CCDC170: variants seen among roughly 807,000 people sequenced by gnomAD.
CCDC170 encodes coiled-coil domain containing 170.
In CCDC170, 69 loss-of-function variants were observed where a neutral mutation model predicts 72.6. The observed-to-expected ratio is 0.95, with a 90% confidence interval of 0.78 to 1.16. The LOEUF (loss-of-function observed/expected upper bound fraction) is 1.16, where lower values mean the gene tolerates loss of function less well. CCDC170 is among the 50% of genes most tolerant of loss of function. CCDC170 has a pLI of 0.00. For synonymous variants in CCDC170, 300 were observed against 303.9 expected (o/e 0.99, Z 0.13); for missense variants, 852 against 832.5 (o/e 1.02, Z -0.29).
intron 7 of CCDC170, among the ~76,000 whole-genome samples, chr6:151,586,877 T>C (rs4869744): frequency 0.45 from 68,436 of 151,732 alleles, 18,647 homozygotes; most frequent in East Asian, 0.82. Flanking sequence ...CTCTGCCTCC[T>C]GGGTTCACAC....
chr6:151,617,808 G>A, intron 10 of CCDC170, 139 bp from the exon 11 acceptor site: 1 of 684,588 alleles, frequency 1.5e-6, no homozygotes, highest in South Asian at 2.0e-5. Context: ...ATAAGTGAGA[G>A]AACTAGGAAG....
chr6:151,572,897 C>T (rs1776244136), intron 5 of CCDC170, among the ~76,000 whole-genome samples: 1 of 151,960 alleles, frequency 6.6e-6, no homozygotes. Context: ...TAGTGATCCA[C>T]CCACCTCAGC....
intron 5 of CCDC170, among the ~76,000 whole-genome samples, chr6:151,552,168 G>C (rs533625426): frequency 3.3e-4 from 50 of 152,204 alleles, no homozygotes; most frequent in Middle Eastern, 3.4e-3. Context: ...GGATCTAGAG[G>C]CTGGATTGGA....
intron 5 of CCDC170, among the ~76,000 whole-genome samples, chr6:151,564,906 C>T (rs1399637750): frequency 6.6e-6 from 1 of 152,132 alleles, no homozygotes. Flanking sequence ...TGGAGGAGTG[C>T]TTTGATAGGG....
chr6:151,529,036 C>G (rs1002201770), intron 1 of CCDC170, among the ~76,000 whole-genome samples: 1 of 152,080 alleles, frequency 6.6e-6, no homozygotes, highest in South Asian at 2.1e-4. Context: ...CTCCAATTGT[C>G]GTGTCACCCT....
At chr6:151,608,751 T>C (rs1776823571) in intron 9 of CCDC170, among the ~76,000 whole-genome samples, 1 of 152,064 alleles carries the variant, frequency 6.6e-6, no homozygotes, top group East Asian at 1.9e-4. Context: ...CTGCCAGTGG[T>C]CATGGCAGAA....
intron 6 of CCDC170, among the ~76,000 whole-genome samples, chr6:151,584,123 G>T (rs1012482312): frequency 6.6e-6 from 1 of 152,214 alleles, no homozygotes. Context: ...TCAATGCAGG[G>T]TTACCACAAA....
rs1304885403 is a variant in CCDC170 at position 151,573,169 on chromosome 6, T to TTTAGGACC, written c.775-3_779dup. On this transcript the variant is annotated splice_polypyrimidine_tract_variant and splice_region_variant and intron_variant, in intron 5 of 10. Coordinates refer to ENST00000239374, the MANE Select transcript of CCDC170 (RefSeq NM_025059.4). ...TATTGTCTTCACTTTCTGTAATCAT[T>TTTAGGACC]TTAGGACCTGCTCAGTGCTGTAGAA... is the stretch of plus-strand genomic sequence containing the variant. 6.2e-7 allele frequency: 1 copy of TTTAGGACC among 1,604,220 alleles called. No individual in the cohort carries two copies. The highest frequency in any genetic ancestry group is 1.7e-5 in the Admixed American group (1 of 58,528).
chr6:151,535,011 C>A (rs1782554010), intron 1 of CCDC170, among the ~76,000 whole-genome samples: 1 of 149,784 alleles, frequency 6.7e-6, no homozygotes, highest in South Asian at 2.1e-4. Flanking sequence ...AGATATCCAA[C>A]CTCAGTAATA....
chr6:151,513,952 G>T (rs1782190099), intron 1 of CCDC170, among the ~76,000 whole-genome samples: 1 of 146,838 alleles, frequency 6.8e-6, no homozygotes, highest in South Asian at 2.1e-4. Context: ...AAAAAGAAAT[G>T]CATCAAAATA....
intron 1 of CCDC170, among the ~76,000 whole-genome samples, chr6:151,530,228 T>C (rs1782475029): frequency 6.6e-6 from 1 of 151,992 alleles, no homozygotes; most frequent in African/African-American, 2.4e-5. Flanking sequence ...ATTTTTGTGT[T>C]TAATTTTTGG....
rs551731271 is a variant in CCDC170 at position 151,533,808 on chromosome 6, G to T, written c.58-2510G>T. 2.0e-3 allele frequency among the ~76,000 whole-genome samples: 299 copies of T among 152,042 alleles called. 3 individuals carry two copies. Among genetic ancestry groups the T allele is most frequent in the African/African-American group, 7.0e-3 (290 of 41,462 alleles). On this transcript the variant is annotated intron_variant, in intron 1 of 10. Transcript: ENST00000239374. Reference sequence around the variant, plus strand: ...TTGTAATTACACAATTCTAAGTGTGGTTGTTTGATAAATTCTCTTTCCCTT... The same window carrying T: ...TTGTAATTACACAATTCTAAGTGTGTTTGTTTGATAAATTCTCTTTCCCTT...
chr6:151,553,577 G>A (rs180940314), intron 5 of CCDC170, among the ~76,000 whole-genome samples: 1 of 152,246 alleles, frequency 6.6e-6, no homozygotes, highest in African/African-American at 2.4e-5. Flanking sequence ...TAGGAAACGA[G>A]TAAGGAAATG....
intron 1 of CCDC170, among the ~76,000 whole-genome samples, chr6:151,495,990 G>C (rs964232518): frequency 6.6e-6 from 1 of 152,150 alleles, no homozygotes; most frequent in Non-Finnish European, 1.5e-5. Context: ...TTCCATCTCA[G>C]GATCACACAC....
At chr6:151,590,351 TG>T (rs1776515523) in intron 7 of CCDC170, among the ~76,000 whole-genome samples, 1 of 152,046 alleles carries the variant, frequency 6.6e-6, no homozygotes, top group African/African-American at 2.4e-5. Flanking sequence ...TCAGGTGGAT[TG>T]GTATTTCTTC....
intron 6 of CCDC170, among the ~76,000 whole-genome samples, chr6:151,585,542 T>G (rs1287608309): frequency 6.6e-6 from 1 of 152,244 alleles, no homozygotes; most frequent in East Asian, 1.9e-4. Context: ...TCTTTGTAGA[T>G]TTTTACAGTA....
chr6:151,497,367 CAAG>C (rs1308232627), intron 1 of CCDC170, among the ~76,000 whole-genome samples: 1 of 152,110 alleles, frequency 6.6e-6, no homozygotes, highest in African/African-American at 2.4e-5. Context: ...GGCAACAGAA[CAAG>C]ACCCTGGCTC....
At chr6:151,604,584 T>G (rs79416523) in intron 9 of CCDC170, among the ~76,000 whole-genome samples, 11,075 of 152,290 alleles carry the variant, frequency 0.073, 560 homozygotes, top group East Asian at 0.29. Context: ...GGATTTTGAA[T>G]GTTTCCAACA....
intron 5 of CCDC170, 33 bp downstream of exon 5, chr6:151,548,522 G>T: frequency 1.4e-6 from 2 of 1,450,198 alleles, no homozygotes; most frequent in South Asian, 3.3e-5. Flanking sequence ...GTGCATCTGG[G>T]ACCATGTTGA....
Sources: gnomAD v4.1 joint callset for allele counts (sites outside exome capture counted in the v4.1 genomes callset) on GRCh38, gnomAD v4.1.1 for gene constraint, MANE v1.5 for transcripts, NCBI Gene and HGNC (gene_info 2026-07-23, HGNC 2026-07-21) for gene names.